DROSHA: variants seen among roughly 807,000 people sequenced by gnomAD.
DROSHA encodes the protein drosha ribonuclease III, also known as ribonuclease 3.
Under a neutral mutation model 181.9 loss-of-function variants are expected in DROSHA, and 56 were observed. The observed-to-expected ratio is 0.31, with a 90% CI of 0.25 to 0.38. DROSHA has a LOEUF of 0.38. DROSHA is among the 10% of genes least tolerant of loss of function. The probability of loss-of-function intolerance (pLI) is 1.00; values close to 1 mark genes in which losing one functional copy is unlikely to be tolerated. For missense variants in DROSHA, 1,218 were observed against 1,743.5 expected (o/e 0.70, Z 5.37); for synonymous variants, 524 against 591.2 (o/e 0.89, Z 1.65).
chr5:31,444,542 GAC>G (rs1324281781), intron 23 of DROSHA, among the ~76,000 whole-genome samples: 1 of 152,080 alleles, frequency 6.6e-6, no homozygotes, highest in Non-Finnish European at 1.5e-5. Flanking sequence ...ATTATCAAAA[GAC>G]AATTTACATA....
chr5:31,500,905 C>T (rs998646850), intron 11 of DROSHA, among the ~76,000 whole-genome samples: 10 of 152,196 alleles, frequency 6.6e-5, no homozygotes, highest in African/African-American at 2.2e-4. Flanking sequence ...AAGAGTACTA[C>T]TTAGTTTGTA....
intron 11 of DROSHA, among the ~76,000 whole-genome samples, chr5:31,502,279 C>T (rs184805067): frequency 1.3e-4 from 20 of 152,172 alleles, no homozygotes; most frequent in Non-Finnish European, 2.6e-4. Context: ...CCATATGTTT[C>T]GGCAGATCCT....
intron 27 of DROSHA, 141 bp from the exon 28 acceptor site, chr5:31,424,612 A>G: frequency 9.2e-7 from 1 of 1,081,294 alleles, no homozygotes; most frequent in Non-Finnish European, 1.3e-6. Context: ...GTGCTGGCAA[A>G]CTAATTTTTT....
At chr5:31,419,865 C>T (rs931309154) in intron 30 of DROSHA, among the ~76,000 whole-genome samples, 40 of 152,100 alleles carry the variant, frequency 2.6e-4, no homozygotes, top group African/African-American at 9.2e-4. Flanking sequence ...CAGTAAGATA[C>T]TATAGTTCAT....
chr5:31,529,874 A>G (rs1375757001), intron 3 of DROSHA, among the ~76,000 whole-genome samples: 2 of 152,174 alleles, frequency 1.3e-5, no homozygotes, highest in African/African-American at 4.8e-5. Flanking sequence ...TTTCATTCTC[A>G]GTTCCTCCCA....
At chr5:31,512,520 G>T (rs2150055253) in intron 8 of DROSHA, among the ~76,000 whole-genome samples, 1 of 152,304 alleles carries the variant, frequency 6.6e-6, no homozygotes, top group East Asian at 1.9e-4. Flanking sequence ...GAGAACTCCT[G>T]ATCTCTGGGA....
intron 12 of DROSHA, among the ~76,000 whole-genome samples, chr5:31,494,991 A>C (rs536052694): frequency 2.2e-4 from 33 of 152,274 alleles, no homozygotes; most frequent in African/African-American, 7.5e-4. Flanking sequence ...ACTAATTTTC[A>C]AGAAATGTGG....
rs766853644 is a variant in DROSHA at position 31,401,359 on chromosome 5, A to C, written c.*73T>G. The C allele has an allele frequency of 6.3e-7, 1 of 1,579,298 alleles. No homozygotes were observed. Among genetic ancestry groups the C allele is most frequent in the South Asian group, 1.1e-5 (1 of 90,314 alleles). On this transcript the variant is annotated 3_prime_UTR_variant, in exon 36 of 36. Coordinates refer to ENST00000344624, the MANE Select transcript of DROSHA (RefSeq NM_001382508.1). ...CACTTCATTCATTGTCTGCAGGAAA[A>C]CTAGGCTAGGTCTCAATAGACAACA...
At position 31,515,530 on chromosome 5, in the gene DROSHA, C is replaced by A; in HGVS notation, c.982G>T (p.Gly328Ter). The A allele has an allele frequency of 2.6e-6, 4 of 1,546,908 alleles. No homozygotes were observed. The highest frequency in any genetic ancestry group is 3.5e-6 in the Non-Finnish European group (4 of 1,142,590). Residue 328 changes from glycine (G) to a stop codon, truncating the protein, a stop_gained, in exon 7 of 36, where the codon GGA becomes TGA. Coordinates refer to ENST00000344624, the MANE Select transcript of DROSHA (RefSeq NM_001382508.1). LOFTEE classifies it high-confidence loss of function. ...TCCCCAGGTAATTCTGGTGTGCATC[C>A]AGCAGGTTCAGGAACAACCGATAAA... ...YGLSVVPEPA[G>*]CTPELPGEII...
At chr5:31,479,135 T>C (rs1314895926) in intron 16 of DROSHA, among the ~76,000 whole-genome samples, 2 of 148,692 alleles carry the variant, frequency 1.3e-5, no homozygotes, top group African/African-American at 4.9e-5. Context: ...TATCTGAGTT[T>C]AAAAAAAAAA....
Position 31,467,925 on chromosome 5 carries a change from G to A in DROSHA, c.2366+14C>T, listed in dbSNP as rs1231854359. The stretch of plus-strand genomic sequence containing the variant: ...GGTGAAATTGGCTAAGACAAACACT[G>A]AGAAATATCTTACTGTGGGTCTCCT... On this transcript the variant is annotated intron_variant, in intron 18 of 35. Coordinates refer to ENST00000344624, the MANE Select transcript of DROSHA (RefSeq NM_001382508.1). 1 of 1,610,056 alleles carries A rather than the reference G, an allele frequency of 6.2e-7. No homozygotes were observed. Among genetic ancestry groups the A allele is most frequent in the Admixed American group, 1.7e-5 (1 of 59,756 alleles).
rs867263077 is a variant in DROSHA, at chr5:31,508,881, T to C, written c.1433-106A>G. ...CTCTGTCACCCAGGCTGGAGTGCAGTGCGCGATCTCAGCTCACTGCAAACT... is the reference window on the plus strand; with the variant it reads ...CTCTGTCACCCAGGCTGGAGTGCAGCGCGCGATCTCAGCTCACTGCAAACT... On this transcript the variant is annotated intron_variant, in intron 9 of 35. Coordinates refer to ENST00000344624, the MANE Select transcript of DROSHA (RefSeq NM_001382508.1). 71 of 1,300,568 alleles carry C rather than the reference T, an allele frequency of 5.5e-5. No individual in the cohort carries two copies. In the Middle Eastern group the frequency reaches 1.1e-3, roughly 19 times the overall value. 80.6% of individuals were successfully genotyped at this position (1,300,568 alleles called of 1,614,324 possible). A position where few individuals can be genotyped will look rare whatever the true frequency, so the allele number is the denominator to read the frequency against.
chr5:31,407,127 G>A (rs1740742898), intron 33 of DROSHA, 182 bp from the exon 34 acceptor site: 6 of 394,566 alleles, frequency 1.5e-5, no homozygotes, highest in Non-Finnish European at 2.2e-5. Context: ...GACAAATATC[G>A]AGAGCATTTG....
chr5:31,403,828 C>A (rs1403154749), intron 35 of DROSHA, among the ~76,000 whole-genome samples: 1 of 152,202 alleles, frequency 6.6e-6, no homozygotes, highest in South Asian at 2.1e-4. Flanking sequence ...TGTTTCCTAA[C>A]CCCTGGGATA....
intron 6 of DROSHA, among the ~76,000 whole-genome samples, chr5:31,519,185 C>T (rs1739596983): frequency 6.6e-6 from 1 of 152,104 alleles, no homozygotes; most frequent in Non-Finnish European, 1.5e-5. Flanking sequence ...AGCTACCAGG[C>T]ATTAGAGAAG....
At chr5:31,517,114 C>T (rs1431775246) in intron 6 of DROSHA, among the ~76,000 whole-genome samples, 1 of 152,118 alleles carries the variant, frequency 6.6e-6, no homozygotes. Flanking sequence ...AGTATTTTAT[C>T]AATATTGAAA....
At chr5:31,472,010 G>T in intron 17 of DROSHA, 53 bp downstream of exon 17, 2 of 1,487,406 alleles carry the variant, frequency 1.3e-6, no homozygotes, top group Non-Finnish European at 1.8e-6. Flanking sequence ...GAAACATTCA[G>T]ATCTGGAAAA....
chr5:31,497,107 C>G (rs1466515967), intron 11 of DROSHA, among the ~76,000 whole-genome samples: 5 of 152,180 alleles, frequency 3.3e-5, no homozygotes, highest in Admixed American at 3.3e-4. Context: ...CCAAGTGATG[C>G]GACTCTGAGC....
chr5:31,494,520 C>T (rs984131949), intron 12 of DROSHA, among the ~76,000 whole-genome samples: 1 of 151,932 alleles, frequency 6.6e-6, no homozygotes, highest in Non-Finnish European at 1.5e-5. Flanking sequence ...GGCATAGTGG[C>T]ACATGCCTGT....
Sources: gnomAD v4.1 joint callset for allele counts (sites outside exome capture counted in the v4.1 genomes callset) on GRCh38, gnomAD v4.1.1 for gene constraint, MANE v1.5 for transcripts, NCBI Gene and HGNC (gene_info 2026-07-23, HGNC 2026-07-21) for gene names.